Variants in WWOX observed in about 807,000 individuals in gnomAD.
The protein encoded by WWOX is WW domain-containing oxidoreductase.
A neutral mutation model predicts 46.2 loss-of-function variants in WWOX; 69 were observed. The observed-to-expected ratio is 1.49, with a 90% CI of 1.23 to 1.82. WWOX has a LOEUF of 1.82. Ranked by LOEUF, WWOX falls within the 40% of genes most tolerant of loss-of-function variation. The pLI is 0.00. For missense variants in WWOX, 919 were observed against 542.6 expected, an observed-to-expected ratio of 1.69 and a Z score of -6.89; for synonymous variants, 359 against 202.6, an observed-to-expected ratio of 1.77 and a Z score of -6.56.
intron 8 of WWOX, among the ~76,000 whole-genome samples, chr16:78,800,555 A>G (rs1244918298): frequency 6.6e-6 from 1 of 152,186 alleles, no homozygotes; most frequent in Non-Finnish European, 1.5e-5. Context: ...GCAAACGTGA[A>G]TTAATATGCA....
chr16:78,838,996 C>G (rs1054133829), intron 8 of WWOX, among the ~76,000 whole-genome samples: 2 of 152,136 alleles, frequency 1.3e-5, no homozygotes, highest in Non-Finnish European at 2.9e-5. Context: ...TTGACTGTCT[C>G]AATGTCAATT....
chr16:78,533,006 C>T (rs1255945357), intron 8 of WWOX, among the ~76,000 whole-genome samples: 3 of 152,190 alleles, frequency 2.0e-5, no homozygotes, highest in Non-Finnish European at 4.4e-5. Context: ...GAGTCACAGG[C>T]TGATGGGAGC....
chr16:78,936,200 G>A (rs889436025), intron 8 of WWOX, among the ~76,000 whole-genome samples: 1 of 152,202 alleles, frequency 6.6e-6, no homozygotes, highest in African/African-American at 2.4e-5. Context: ...AATAGGCAAA[G>A]GCAGTGAGTT....
chr16:78,587,790 C>T (rs1428503133), intron 8 of WWOX, among the ~76,000 whole-genome samples: 1 of 152,110 alleles, frequency 6.6e-6, no homozygotes, highest in Admixed American at 6.5e-5. Flanking sequence ...TTATATGATC[C>T]TTAGGCCAGG....
intron 8 of WWOX, among the ~76,000 whole-genome samples, chr16:78,985,384 TAGC>T (rs2046764435): frequency 1.3e-5 from 2 of 152,212 alleles, no homozygotes; most frequent in Non-Finnish European, 1.5e-5. Flanking sequence ...ACAGGGCTAA[TAGC>T]AGTGTCAGGG....
chr16:79,066,178 T>C (rs927642064), intron 8 of WWOX, among the ~76,000 whole-genome samples: 25 of 152,268 alleles, frequency 1.6e-4, no homozygotes, highest in African/African-American at 5.8e-4. Flanking sequence ...TCTTCCTAAA[T>C]CACTCCCCTC....
intron 8 of WWOX, chr16:79,101,545 G>A (rs902154206): frequency 3.3e-5 from 5 of 152,082 alleles, no homozygotes; most frequent in Non-Finnish European, 5.9e-5. Context: ...GGTCTACAGT[G>A]GGTCCTGGGA....
At chr16:78,281,536 T>C (rs2079677821) in intron 5 of WWOX, among the ~76,000 whole-genome samples, 1 of 152,322 alleles carries the variant, frequency 6.6e-6, no homozygotes, top group Admixed American at 6.5e-5. Context: ...TTCTCTGTGA[T>C]GGGATATTTA....
intron 4 of WWOX, among the ~76,000 whole-genome samples, chr16:78,122,557 T>C (rs116018481): frequency 0.02 from 3,021 of 152,242 alleles, 118 homozygotes; most frequent in African/African-American, 0.069. Context: ...TTTTACATCA[T>C]AGAGTGGCAC....
chr16:78,157,317 C>A (rs976214337), intron 4 of WWOX, among the ~76,000 whole-genome samples: 1 of 152,108 alleles, frequency 6.6e-6, no homozygotes, highest in African/African-American at 2.4e-5. Context: ...CGGTGCCTGC[C>A]CCCAGCCAGC....
At chr16:78,525,028 G>A (rs1285048170) in intron 8 of WWOX, among the ~76,000 whole-genome samples, 1 of 150,856 alleles carries the variant, frequency 6.6e-6, no homozygotes, top group Admixed American at 6.6e-5. Flanking sequence ...ACCACACTTG[G>A]CTACTTGTTT....
chr16:79,013,536 C>G (rs2047354293), intron 8 of WWOX, among the ~76,000 whole-genome samples: 1 of 152,184 alleles, frequency 6.6e-6, no homozygotes, highest in African/African-American at 2.4e-5. Flanking sequence ...ACAGGGACAG[C>G]AAAAGCACAC....
rs867130543 is a variant in WWOX at position 78,540,065 on chromosome 16, A to G, written c.1056+107313A>G. Among the ~76,000 whole-genome samples, 38 of 151,254 alleles carry G rather than the reference A, an allele frequency of 2.5e-4. 1 individual carries two copies. Among genetic ancestry groups the G allele is most frequent in the African/African-American group, 8.7e-4 (36 of 41,252 alleles). ...ACACACACAGCCAAATCAGACACCA[A>G]TATAAACTGTAGAGTTAACATTCTT... On this transcript the variant is annotated intron_variant, in intron 8 of 8. Coordinates refer to ENST00000566780, the MANE Select transcript of WWOX (RefSeq NM_016373.4).
At chr16:79,035,659 C>G (rs922328459) in intron 8 of WWOX, among the ~76,000 whole-genome samples, 2 of 152,204 alleles carry the variant, frequency 1.3e-5, no homozygotes, top group African/African-American at 4.8e-5. Flanking sequence ...CTGCCTCAGC[C>G]TCCCAAGTAG....
At chr16:79,205,946 T>G (rs2051494949) in intron 8 of WWOX, 1 of 152,132 alleles carries the variant, frequency 6.6e-6, no homozygotes, top group African/African-American at 2.4e-5. Flanking sequence ...TTGAAAAAAT[T>G]CTATCATCAA....
At chr16:78,941,573 A>G (rs2045852673) in intron 8 of WWOX, among the ~76,000 whole-genome samples, 1 of 152,130 alleles carries the variant, frequency 6.6e-6, no homozygotes, top group African/African-American at 2.4e-5. Flanking sequence ...GGACCATTTC[A>G]AATGGCATTA....
intron 8 of WWOX, among the ~76,000 whole-genome samples, chr16:78,926,206 T>C (rs1173725160): frequency 6.6e-6 from 1 of 151,904 alleles, no homozygotes; most frequent in Non-Finnish European, 1.5e-5. Flanking sequence ...AAACCTTACC[T>C]CTCAAAAATT....
At chr16:78,331,651 A>G (rs2080761565) in intron 5 of WWOX, among the ~76,000 whole-genome samples, 1 of 152,194 alleles carries the variant, frequency 6.6e-6, no homozygotes, top group South Asian at 2.1e-4. Flanking sequence ...CACTGGGTTC[A>G]TGGGTGATGA....
intron 8 of WWOX, among the ~76,000 whole-genome samples, chr16:79,086,243 C>G (rs2048852119): frequency 6.6e-6 from 1 of 152,156 alleles, no homozygotes; most frequent in Non-Finnish European, 1.5e-5. Flanking sequence ...CATTTTCTGT[C>G]TGAGAAGTTC....
Sources: allele counts gnomAD v4.1 joint callset (sites outside exome capture counted in the v4.1 genomes callset), GRCh38; gene constraint gnomAD v4.1.1; transcripts MANE v1.5; gene names NCBI Gene and HGNC (gene_info 2026-07-23, HGNC 2026-07-21).